Variants in CAST observed in about 807,000 individuals in gnomAD.
The protein encoded by CAST is calpastatin.
CAST carries 76 observed loss-of-function variants against 119.6 expected under a neutral mutation model. That is an observed-to-expected ratio of 0.64 (90% CI 0.53 to 0.77). CAST has a LOEUF of 0.77. Among genes scored for constraint, CAST ranks in the 30% least tolerant of loss-of-function variants. The pLI, the probability that CAST is intolerant of heterozygous loss-of-function variation, is 0.00. For synonymous variants in CAST, 319 were observed against 331.6 expected (o/e 0.96, Z 0.41); for missense variants, 953 against 946.5 (o/e 1.01, Z -0.09).
chr5:96,592,748 A>G (rs565409837), intron 1 of CAST, among the ~76,000 whole-genome samples: 46 of 147,690 alleles, frequency 3.1e-4, no homozygotes, highest in African/African-American at 1.1e-3. Flanking sequence ...TGGCACTTAC[A>G]TTTCTGTTTT....
At chr5:96,133,380 G>A in the CAST span, among the ~76,000 whole-genome samples, 1 of 152,016 alleles carries the variant, frequency 6.6e-6, no homozygotes, top group Non-Finnish European at 1.5e-5. Flanking sequence ...AAAGGATGTG[G>A]GGACAAGGCA....
chr5:96,522,790 C>T (rs1434733690), upstream of CAST, among the ~76,000 whole-genome samples: 1 of 152,124 alleles, frequency 6.6e-6, no homozygotes, highest in Non-Finnish European at 1.5e-5. Flanking sequence ...GAGAAATTAG[C>T]TCTTATCTTT....
chr5:96,753,823 G>A (rs79795772), intron 20 of CAST, among the ~76,000 whole-genome samples: 4,110 of 152,168 alleles, frequency 0.027, 81 homozygotes, highest in Middle Eastern at 0.058. Context: ...GTCAGGTCTC[G>A]TAAGTTTCAC....
chr5:96,367,683 T>G, the CAST span, among the ~76,000 whole-genome samples: 1 of 152,104 alleles, frequency 6.6e-6, no homozygotes, highest in South Asian at 2.1e-4. Context: ...AAGCACAGTA[T>G]TAGGGTGGGA....
At chr5:96,553,124 G>A (rs776025088) in intron 1 of CAST, among the ~76,000 whole-genome samples, 1 of 151,990 alleles carries the variant, frequency 6.6e-6, no homozygotes, top group African/African-American at 2.4e-5. Flanking sequence ...AGAATTTTAG[G>A]CCAATATCCC....
At chr5:96,493,144 T>C in the CAST span, among the ~76,000 whole-genome samples, 1 of 152,252 alleles carries the variant, frequency 6.6e-6, no homozygotes, top group African/African-American at 2.4e-5. Context: ...TTTATTTTTT[T>C]AAACCATGGA....
chr5:96,023,707 C>A, the CAST span, among the ~76,000 whole-genome samples: 2 of 151,670 alleles, frequency 1.3e-5, 1 homozygote, highest in South Asian at 4.2e-4. Flanking sequence ...GAATATGGGT[C>A]ATGGAAAAAT....
chr5:96,652,734 A>G (rs1748109293), intron 1 of CAST, among the ~76,000 whole-genome samples: 1 of 152,238 alleles, frequency 6.6e-6, no homozygotes, highest in Admixed American at 6.5e-5. Flanking sequence ...TTAAAATGAC[A>G]CAATGCAAAA....
intron 11 of CAST, among the ~76,000 whole-genome samples, chr5:96,738,318 T>C (rs1481448914): frequency 2.0e-5 from 3 of 151,788 alleles, no homozygotes; most frequent in African/African-American, 7.3e-5. Context: ...CGAGACTCCA[T>C]CTCAAAAAAA....
the CAST span, among the ~76,000 whole-genome samples, chr5:96,141,799 A>G: frequency 5.3e-5 from 8 of 152,108 alleles, no homozygotes; most frequent in Non-Finnish European, 1.2e-4. Context: ...CTTACTTACA[A>G]CCCTACGACC....
the CAST span, chr5:96,398,759 T>A: frequency 1.2e-6 from 1 of 868,302 alleles, no homozygotes; most frequent in Non-Finnish European, 1.9e-6. Flanking sequence ...AGCATGTTTT[T>A]TAAGACCTGA....
the CAST span, among the ~76,000 whole-genome samples, chr5:96,473,166 T>C: frequency 6.6e-6 from 1 of 152,190 alleles, no homozygotes; most frequent in African/African-American, 2.4e-5. Flanking sequence ...CATTCAGAGG[T>C]ACCAGGGGTT....
At chr5:96,286,540 T>G in the CAST span, among the ~76,000 whole-genome samples, 1 of 152,190 alleles carries the variant, frequency 6.6e-6, no homozygotes, top group Non-Finnish European at 1.5e-5. Context: ...AACACCATGC[T>G]TTGCACCAGT....
the CAST span, among the ~76,000 whole-genome samples, chr5:96,420,291 C>T: frequency 6.6e-6 from 1 of 152,196 alleles, no homozygotes; most frequent in Non-Finnish European, 1.5e-5. Flanking sequence ...GCCATAACTA[C>T]ATTGCAAGGC....
the CAST span, among the ~76,000 whole-genome samples, chr5:96,045,464 A>G: frequency 2.0e-5 from 3 of 152,092 alleles, no homozygotes; most frequent in Non-Finnish European, 4.4e-5. Context: ...TTTTCTTTGA[A>G]AAAACCATGC....
chr5:96,596,641 A>AGG (rs776203498), intron 1 of CAST, among the ~76,000 whole-genome samples: 5 of 152,186 alleles, frequency 3.3e-5, no homozygotes, highest in Non-Finnish European at 7.4e-5. Context: ...CAAGCATATG[A>AGG]GGGAACTTGC....
chr5:96,332,787 G>A, the CAST span, among the ~76,000 whole-genome samples: 3 of 152,108 alleles, frequency 2.0e-5, no homozygotes, highest in Admixed American at 6.5e-5. Flanking sequence ...GCTGTCCCAC[G>A]CCTTCACATA....
the CAST span, among the ~76,000 whole-genome samples, chr5:96,447,678 G>A: frequency 1.3e-5 from 2 of 152,094 alleles, no homozygotes; most frequent in Non-Finnish European, 2.9e-5. Flanking sequence ...GGAAATATGA[G>A]TTACAATAAA....
In CAST at chr5:96,730,807, G is replaced by T. The variant is rs1434212786; in HGVS notation, c.577G>T (p.Gly193Cys). 4.3e-6 allele frequency: 7 copies of T among 1,614,032 alleles called. No homozygotes were observed. Among genetic ancestry groups the T allele is most frequent in the Non-Finnish European group, 5.9e-6 (7 of 1,179,884 alleles). Residue 193 changes from glycine to cysteine, a missense_variant, in exon 9 of 32, where the codon GGT (glycine) becomes TGT (cysteine). Coordinates refer to ENST00000675179, the MANE Select transcript of CAST (RefSeq NM_001750.7). ...TAAACCACAAGACATGATTTCTGCTGGTGGAGAGAGTGTTGCTGGTATCAC... is the reference window on the plus strand; with the variant it reads ...TAAACCACAAGACATGATTTCTGCTTGTGGAGAGAGTGTTGCTGGTATCAC... ...KTKPQDMISA[G>C]GESVAGITAI...
Sources: allele counts gnomAD v4.1 joint callset (sites outside exome capture counted in the v4.1 genomes callset), GRCh38; gene constraint gnomAD v4.1.1; transcripts MANE v1.5; gene names NCBI Gene and HGNC (gene_info 2026-07-23, HGNC 2026-07-21).